Variants in CDH4 observed in about 807,000 individuals in gnomAD.
CDH4 encodes cadherin-4.
A neutral mutation model predicts 86.0 loss-of-function variants in CDH4; 33 were observed. The ratio of observed to expected loss-of-function variants is 0.38; its 90% CI spans 0.29 to 0.51. The LOEUF is 0.51. Ranked by LOEUF, CDH4 falls within the 20% of genes least tolerant of loss-of-function variation. The pLI is 0.86. For missense variants in CDH4, 1,114 were observed against 1,307.4 expected, an observed-to-expected ratio of 0.85 and a Z score of 2.28; for synonymous variants, 555 against 549.4, an observed-to-expected ratio of 1.01 and a Z score of -0.14.
chr20:61,322,879 C>T (rs2084516226), intron 2 of CDH4, among the ~76,000 whole-genome samples: 1 of 152,170 alleles, frequency 6.6e-6, no homozygotes, highest in African/African-American at 2.4e-5. Flanking sequence ...ATTGGATGCT[C>T]TTCACACAAC....
rs751465195 is a variant in CDH4, at chr20:61,666,062, G to C, written c.170-77501G>C. Among the ~76,000 whole-genome samples the C allele has an allele frequency of 2.0e-5, 3 of 152,064 alleles. No homozygotes were observed. The East Asian group carries it at 5.8e-4, about 29-fold the overall frequency. On this transcript the variant is annotated intron_variant, in intron 2 of 15. Coordinates refer to ENST00000614565, the MANE Select transcript of CDH4 (RefSeq NM_001794.5). ...TCCAGCCAGCCCCACCCAAATGGACGTTGGGGCCCAAATCCCACTTGTGTT... is the reference window on the plus strand; with the variant it reads ...TCCAGCCAGCCCCACCCAAATGGACCTTGGGGCCCAAATCCCACTTGTGTT...
At chr20:61,441,393 G>A (rs954310832) in intron 2 of CDH4, among the ~76,000 whole-genome samples, 1 of 152,198 alleles carries the variant, frequency 6.6e-6, no homozygotes, top group African/African-American at 2.4e-5. Flanking sequence ...GCAGGCTTCT[G>A]GGCTCTGCTC....
At chr20:61,800,938 T>C (rs1979797518) in intron 4 of CDH4, among the ~76,000 whole-genome samples, 1 of 152,164 alleles carries the variant, frequency 6.6e-6, no homozygotes, top group Non-Finnish European at 1.5e-5. Flanking sequence ...ACACATAGGG[T>C]AGGCCTGGGC....
At chr20:61,765,300 C>T (rs897157091) in intron 3 of CDH4, among the ~76,000 whole-genome samples, 1 of 152,174 alleles carries the variant, frequency 6.6e-6, no homozygotes, top group African/African-American at 2.4e-5. Context: ...TACCAGGCAT[C>T]TGGGGCACAC....
intron 2 of CDH4, among the ~76,000 whole-genome samples, chr20:61,613,172 C>T (rs2086698381): frequency 6.6e-6 from 1 of 151,998 alleles, no homozygotes; most frequent in African/African-American, 2.4e-5. Flanking sequence ...CTTCTCCTGC[C>T]CCCTCTTGGT....
At chr20:61,383,742 TG>T (rs2084933016) in intron 2 of CDH4, among the ~76,000 whole-genome samples, 1 of 138,546 alleles carries the variant, frequency 7.2e-6, no homozygotes, top group Admixed American at 7.7e-5. Context: ...ATGATATATA[TG>T]AAGATATATG....
intron 2 of CDH4, among the ~76,000 whole-genome samples, chr20:61,639,221 T>C (rs2086979915): frequency 6.6e-6 from 1 of 152,194 alleles, no homozygotes; most frequent in Non-Finnish European, 1.5e-5. Flanking sequence ...CCTGCCCCTA[T>C]TTCAGTGGTG....
chr20:61,615,225 G>A (rs745431206), intron 2 of CDH4, among the ~76,000 whole-genome samples: 4 of 151,862 alleles, frequency 2.6e-5, no homozygotes, highest in African/African-American at 7.3e-5. Context: ...GGGTTCAAGC[G>A]ATTCTCCTGT....
chr20:61,636,792 A>G (rs1568726455), intron 2 of CDH4, among the ~76,000 whole-genome samples: 1 of 152,206 alleles, frequency 6.6e-6, no homozygotes, highest in African/African-American at 2.4e-5. Context: ...CCCCAGAGGG[A>G]AGCCCAGGAA....
At chr20:61,564,524 C>T (rs1392321961) in intron 2 of CDH4, among the ~76,000 whole-genome samples, 3 of 152,106 alleles carry the variant, frequency 2.0e-5, no homozygotes, top group South Asian at 4.2e-4. Context: ...CTCGTGCTCT[C>T]ACTCTCACCA....
At chr20:61,415,287 G>C (rs1464787808) in intron 2 of CDH4, among the ~76,000 whole-genome samples, 1 of 152,154 alleles carries the variant, frequency 6.6e-6, no homozygotes, top group Non-Finnish European at 1.5e-5. Flanking sequence ...ACATGGTAGA[G>C]CCATGGAGGG....
At chr20:61,287,982 A>G (rs1003597516) in intron 2 of CDH4, among the ~76,000 whole-genome samples, 5 of 152,100 alleles carry the variant, frequency 3.3e-5, no homozygotes, top group African/African-American at 7.2e-5. Flanking sequence ...CACGAGGGCT[A>G]TGTTATCTCA....
chr20:61,819,528 G>A (rs1435766576), intron 4 of CDH4, among the ~76,000 whole-genome samples: 5 of 152,340 alleles, frequency 3.3e-5, no homozygotes, highest in South Asian at 2.1e-4. Context: ...AAAGGCGGCC[G>A]GGCTGCAGCC....
At chr20:61,870,451 G>T (rs1274321980) in intron 6 of CDH4, among the ~76,000 whole-genome samples, 1 of 152,164 alleles carries the variant, frequency 6.6e-6, no homozygotes, top group East Asian at 1.9e-4. Context: ...GCTGCTTTCA[G>T]TGAGTACAAC....
intron 2 of CDH4, among the ~76,000 whole-genome samples, chr20:61,614,952 G>C (rs1014446063): frequency 6.6e-6 from 1 of 152,000 alleles, no homozygotes; most frequent in African/African-American, 2.4e-5. Context: ...CTGCTGTCCA[G>C]GTTTCATGTG....
intron 2 of CDH4, among the ~76,000 whole-genome samples, chr20:61,605,482 C>T (rs962571523): frequency 1.3e-5 from 2 of 151,244 alleles, no homozygotes; most frequent in Non-Finnish European, 2.9e-5. Context: ...TTTGTCTCTC[C>T]CTGTCTCTCT....
intron 2 of CDH4, among the ~76,000 whole-genome samples, chr20:61,556,510 A>T (rs1171809554): frequency 6.6e-6 from 1 of 152,190 alleles, no homozygotes; most frequent in Admixed American, 6.5e-5. Flanking sequence ...GAAAGTCCAA[A>T]CAGAAGCTTG....
At chr20:61,846,602 T>C (rs1600707450) in intron 5 of CDH4, among the ~76,000 whole-genome samples, 1 of 151,692 alleles carries the variant, frequency 6.6e-6, no homozygotes, top group Non-Finnish European at 1.5e-5. Context: ...ACACAGGTAA[T>C]ACAGAGACAG....
Position 61,936,839 on chromosome 20 carries a change from C to T in CDH4, c.2647C>T (p.Leu883=). The change falls in exon 16 of 16, where the codon CTG becomes TTG. Residue 883 remains leucine, a synonymous_variant. Transcript: ENST00000614565. The stretch of plus-strand genomic sequence containing the variant: ...CTCCACCGCAGGCTCCGTCAGCTCC[C>T]TGAACTCATCCAGTTCCGGGGACCA... The part of the protein sequence containing the change: ...SGSTAGSVSS[L]NSSSSGDQDY... 1 of 1,610,326 alleles carries T rather than the reference C, an allele frequency of 6.2e-7. No individual in the cohort carries two copies. The highest frequency in any genetic ancestry group is 2.2e-5 in the East Asian group (1 of 44,450).
Sources: gnomAD v4.1 joint callset for allele counts (sites outside exome capture counted in the v4.1 genomes callset) on GRCh38, gnomAD v4.1.1 for gene constraint, MANE v1.5 for transcripts, NCBI Gene and HGNC (gene_info 2026-07-23, HGNC 2026-07-21) for gene names.